Variants in ZNF789 observed in about 807,000 individuals in gnomAD.
ZNF789 encodes zinc finger protein 789.
ZNF789 carries 11 observed loss-of-function variants against 15.6 expected under a neutral mutation model. That is an observed-to-expected ratio of 0.70 (90% CI 0.44 to 1.16). ZNF789 has a LOEUF of 1.16. Among genes scored for constraint, ZNF789 ranks in the 50% most tolerant of loss-of-function variants. The pLI, the probability that ZNF789 is intolerant of heterozygous loss-of-function variation, is 0.00. For missense variants in ZNF789, 461 were observed against 512.6 expected, an observed-to-expected ratio of 0.90 and a Z score of 0.97; for synonymous variants, 159 against 176.0, an observed-to-expected ratio of 0.90 and a Z score of 0.76.
intron 4 of ZNF789, 51 bp from the exon 5 acceptor site, chr7:99,486,425 T>C (rs1682798842): frequency 6.6e-7 from 1 of 1,519,540 alleles, no homozygotes; most frequent in Non-Finnish European, 8.8e-7. Flanking sequence ...TCTTCCTTTT[T>C]TTCTTCTGCA....
chr7:99,479,063 C>T (rs961578367), intron 2 of ZNF789: 1 of 152,516 alleles, frequency 6.6e-6, no homozygotes, highest in Non-Finnish European at 1.5e-5. Context: ...CTAGCAGGCC[C>T]TGGTTCCCCA....
At chr7:99,480,740 C>G (rs1370462497) in intron 3 of ZNF789, 1 of 152,228 alleles carries the variant, frequency 6.6e-6, no homozygotes, top group Non-Finnish European at 1.5e-5. Context: ...AACTTCATTT[C>G]TGAACCTTCA....
chr7:99,481,882 G>T (rs1031234395), intron 3 of ZNF789: 6 of 399,092 alleles, frequency 1.5e-5, no homozygotes. Flanking sequence ...ATCACCTGCA[G>T]GCCTACTTTC....
rs1799961190 is a variant in ZNF789 at position 99,486,494 on chromosome 7, A to G, written c.284A>G (p.Lys95Arg). The G allele has an allele frequency of 1.9e-6, 3 of 1,611,458 alleles. No individual in the cohort carries two copies. The highest frequency in any genetic ancestry group is 2.5e-6 in the Non-Finnish European group (3 of 1,178,674). ...TGGCTAGGTTCTGAAGCCAGACACA[A>G]GATGAAAAAGCTAACTCCAAAACAG... ...SACPGSEARH[K>R]MKKLTPKQKF... Residue 95 changes from lysine to arginine, a missense_variant, in exon 5 of 5, where the codon AAG becomes AGG. By Grantham distance (26) the Lys-to-Arg change is conservative. Coordinates refer to ENST00000331410, the MANE Select transcript of ZNF789 (RefSeq NM_213603.3).
chr7:99,478,277 C>T (rs936423984), intron 2 of ZNF789: 18 of 1,288,706 alleles, frequency 1.4e-5, no homozygotes, highest in African/African-American at 3.0e-5. Flanking sequence ...TGTGCAGGTG[C>T]GGGAATGCAG....
rs1799097197 is a variant in ZNF789, at chr7:99,472,980, G to T, written c.-131G>T. On this transcript the variant is annotated 5_prime_UTR_variant, in exon 1 of 5. Coordinates refer to ENST00000331410, the MANE Select transcript of ZNF789 (RefSeq NM_213603.3). ...GGGGCGCGGACCAGACAGACCTCGG[G>T]TCAGGCCCGGGAACCCCGAGAGGAG... is the stretch of plus-strand genomic sequence containing the variant. The T allele has an allele frequency of 6.6e-6, 1 of 152,370 alleles. No homozygotes were observed. The highest frequency in any genetic ancestry group is 2.4e-5 in the African/African-American group (1 of 41,470). 9.4% of individuals were successfully genotyped at this position (152,370 alleles called of 1,614,324 possible). A position where few individuals can be genotyped will look rare whatever the true frequency, so the allele number is the denominator to read the frequency against.
chr7:99,485,678 A>G (rs1799898218), intron 4 of ZNF789, among the ~76,000 whole-genome samples: 1 of 152,116 alleles, frequency 6.6e-6, no homozygotes, highest in South Asian at 2.1e-4. Context: ...CTAAAAATAC[A>G]AAAACTAGCC....
intron 3 of ZNF789, chr7:99,483,574 T>A (rs1469284899): frequency 1.9e-5 from 12 of 625,666 alleles, no homozygotes; most frequent in Non-Finnish European, 3.5e-5. Context: ...GAGGTTGCAG[T>A]GCGCCAAGAC....
At chr7:99,479,575 A>G in intron 2 of ZNF789, 86 bp from the exon 3 acceptor site, 1 of 1,475,222 alleles carries the variant, frequency 6.8e-7, no homozygotes, top group Non-Finnish European at 9.0e-7. Flanking sequence ...TCTACCTCCC[A>G]AACCTTGGTT....
chr7:99,475,522 A>T (rs1396051475), intron 1 of ZNF789, among the ~76,000 whole-genome samples: 1 of 152,146 alleles, frequency 6.6e-6, no homozygotes, highest in African/African-American at 2.4e-5. Context: ...CAGCAGGTGG[A>T]GCTGGCTGTA....
chr7:99,485,632 G>A (rs1799894733), intron 4 of ZNF789, among the ~76,000 whole-genome samples: 1 of 152,156 alleles, frequency 6.6e-6, no homozygotes, highest in Non-Finnish European at 1.5e-5. Flanking sequence ...AGGAGTTTGA[G>A]ACCAGCCTGG....
chr7:99,482,407 C>T (rs1799687573), intron 3 of ZNF789: 1 of 609,844 alleles, frequency 1.6e-6, no homozygotes, highest in African/African-American at 1.8e-5. Context: ...TGCCACTGGT[C>T]ACGTGAGGTC....
chr7:99,479,612 C>T (rs537955064), intron 2 of ZNF789, 49 bp from the exon 3 acceptor site: 22 of 1,546,322 alleles, frequency 1.4e-5, no homozygotes, highest in Middle Eastern at 1.7e-4. Context: ...AATCATTGAG[C>T]GTAAGTTATT....
At chr7:99,483,686 T>A in intron 3 of ZNF789, 1 of 780,886 alleles carries the variant, frequency 1.3e-6, no homozygotes, top group South Asian at 1.3e-5. Context: ...TACTTATGCC[T>A]TCATCGCATT....
intron 4 of ZNF789, chr7:99,485,349 TG>T: frequency 1.2e-6 from 1 of 848,050 alleles, no homozygotes; most frequent in Non-Finnish European, 1.9e-6. Flanking sequence ...ATCCACTAGA[TG>T]CCAGTTGAAC....
At chr7:99,485,270 G>A (rs753678253) in intron 4 of ZNF789, 300 of 1,482,486 alleles carry the variant, frequency 2.0e-4, no homozygotes, top group Admixed American at 2.9e-4. Context: ...TTGGGCTGAC[G>A]AATTCTTTGG....
chr7:99,483,964 C>T (rs916585215), intron 3 of ZNF789, 66 bp from the exon 4 acceptor site: 7 of 1,302,434 alleles, frequency 5.4e-6, no homozygotes, highest in Middle Eastern at 1.8e-4. Flanking sequence ...CTGCTTGCCA[C>T]TGAGCCCCGG....
At chr7:99,483,642 C>A (rs1056450805) in intron 3 of ZNF789, 5 of 763,946 alleles carry the variant, frequency 6.5e-6, no homozygotes, top group African/African-American at 3.4e-5. Flanking sequence ...AAAAAATAAA[C>A]AATTGAATAC....
chr7:99,474,115 G>A (rs1159260196), intron 1 of ZNF789, among the ~76,000 whole-genome samples: 2 of 152,232 alleles, frequency 1.3e-5, no homozygotes, highest in East Asian at 1.9e-4. Flanking sequence ...TCATTAGCAA[G>A]TCTGACATTC....
Sources: allele counts gnomAD v4.1 joint callset (sites outside exome capture counted in the v4.1 genomes callset), GRCh38; gene constraint gnomAD v4.1.1; transcripts MANE v1.5; gene names NCBI Gene and HGNC (gene_info 2026-07-23, HGNC 2026-07-21).